The following EDARADD variants were observed in gnomAD, a reference collection of about 807,000 sequenced individuals.
EDARADD encodes the protein EDAR associated via death domain.
Under a neutral mutation model 25.6 loss-of-function variants are expected in EDARADD, and 20 were observed. That is an observed-to-expected ratio of 0.78 (90% CI 0.55 to 1.14). The LOEUF is 1.14. EDARADD is among the 50% of genes most tolerant of loss of function. The pLI is 0.00. For missense variants in EDARADD, 225 were observed against 270.1 expected (o/e 0.83, Z 1.17); for synonymous variants, 86 against 94.4 (o/e 0.91, Z 0.52).
At chr1:236,364,710 G>GA (rs34389912) in intron 3 of EDARADD, among the ~76,000 whole-genome samples, 76,849 of 151,974 alleles carry the variant, frequency 0.51, 20,183 homozygotes, top group East Asian at 0.83. Flanking sequence ...CTGGTAAACA[G>GA]AATATAATTC....
intron 3 of EDARADD, among the ~76,000 whole-genome samples, chr1:236,377,555 G>T (rs1332045710): frequency 6.7e-6 from 1 of 150,132 alleles, no homozygotes; most frequent in Non-Finnish European, 1.5e-5. Context: ...TGCTTGCCCG[G>T]TCTCTTCAAA....
intron 4 of EDARADD, among the ~76,000 whole-genome samples, chr1:236,461,231 AAGC>A (rs1291627658): frequency 6.6e-6 from 1 of 152,230 alleles, no homozygotes; most frequent in African/African-American, 2.4e-5. Flanking sequence ...TATTTTCTGC[AAGC>A]AGAGAGATCA....
chr1:236,373,550 T>C (rs1667194641), intron 3 of EDARADD, among the ~76,000 whole-genome samples: 1 of 152,220 alleles, frequency 6.6e-6, no homozygotes, highest in Non-Finnish European at 1.5e-5. Context: ...TTCTTTCTTT[T>C]TCTAGGTTAG....
chr1:236,396,259 C>T (rs1370991033), intron 1 of EDARADD, among the ~76,000 whole-genome samples: 5 of 152,042 alleles, frequency 3.3e-5, no homozygotes, highest in Admixed American at 2.0e-4. Context: ...GTGTTGGTAC[C>T]CGAGGTCGGA....
intron 4 of EDARADD, among the ~76,000 whole-genome samples, chr1:236,444,300 T>C (rs1252874573): frequency 1.3e-5 from 2 of 151,284 alleles, no homozygotes; most frequent in Non-Finnish European, 1.5e-5. Flanking sequence ...TTAACTAATA[T>C]AGTTTACAAA....
At chr1:236,400,411 G>T (rs1405420227) in intron 1 of EDARADD, among the ~76,000 whole-genome samples, 1 of 152,088 alleles carries the variant, frequency 6.6e-6, no homozygotes, top group Non-Finnish European at 1.5e-5. Flanking sequence ...CCCTGCTGCG[G>T]GGTCTGAGGT....
intron 3 of EDARADD, among the ~76,000 whole-genome samples, chr1:236,426,772 A>G (rs1571927558): frequency 6.6e-6 from 1 of 152,302 alleles, no homozygotes; most frequent in East Asian, 1.9e-4. Context: ...GCACATGCCT[A>G]TCTTCCCAGA....
intron 3 of EDARADD, among the ~76,000 whole-genome samples, chr1:236,360,329 A>C (rs1039043871): frequency 1.3e-5 from 2 of 149,902 alleles, no homozygotes; most frequent in Admixed American, 6.6e-5. Flanking sequence ...TAAAAAAAAA[A>C]AGAAGAAGAA....
chr1:236,350,284 T>C (rs528959378), intron 2 of EDARADD, among the ~76,000 whole-genome samples: 1 of 152,250 alleles, frequency 6.6e-6, no homozygotes, highest in South Asian at 2.1e-4. Flanking sequence ...GATTGGAAAG[T>C]AAGTCATGAT....
chr1:236,484,573 G>A lies in EDARADD; in HGVS notation c.*1924G>A, dbSNP rs1380067800. The A allele has an allele frequency of 3.2e-5, 28 of 870,258 alleles. No individual in the cohort carries two copies. Among genetic ancestry groups the A allele is most frequent in the Non-Finnish European group, 3.8e-5 (21 of 551,130 alleles). The allele number at this position is 870,258 out of a possible 1,614,324, so 53.9% of individuals were successfully genotyped here. ...CCCCCGAGCAACATTTGTAGGGGCC[G>A]CTGCTAGTTAGCTACCCTTGCCCAC... On this transcript the variant is annotated 3_prime_UTR_variant, in exon 6 of 6. Transcript: ENST00000334232. The surrounding 1 kb of genome is among the most constrained non-coding windows in gnomAD (Gnocchi z 4.1).
At position 236,483,702 on chromosome 1, in the gene EDARADD, G is replaced by C; in HGVS notation, c.*1053G>C. ...CCCAGTCGGTGCAGCAAACTTCAGG[G>C]AAGCCATGCCCATTGGAGCGGAGGT... On this transcript the variant is annotated 3_prime_UTR_variant, in exon 6 of 6. Coordinates refer to ENST00000334232, the MANE Select transcript of EDARADD (RefSeq NM_145861.4). 2 of 1,566,740 alleles carry C rather than the reference G, an allele frequency of 1.3e-6. No individual in the cohort carries two copies. The highest frequency in any genetic ancestry group is 4.5e-5 in the East Asian group (2 of 44,518).
chr1:236,401,680 G>A (rs1483155391), intron 1 of EDARADD, among the ~76,000 whole-genome samples: 1 of 152,130 alleles, frequency 6.6e-6, no homozygotes, highest in Non-Finnish European at 1.5e-5. Context: ...TCGGGAGGAG[G>A]CAAATAGATT....
intron 2 of EDARADD, among the ~76,000 whole-genome samples, chr1:236,349,349 A>G (rs1354585230): frequency 6.6e-6 from 1 of 152,184 alleles, no homozygotes; most frequent in Non-Finnish European, 1.5e-5. Flanking sequence ...ACTCTGTAAA[A>G]TATTTTAAGA....
chr1:236,480,444 CAA>C (rs1193496809), intron 5 of EDARADD, among the ~76,000 whole-genome samples: 1 of 151,990 alleles, frequency 6.6e-6, no homozygotes, highest in Non-Finnish European at 1.5e-5. Context: ...ATTAGTAGGT[CAA>C]AGAGTATGAG....
chr1:236,355,948 T>C (rs1421148010), intron 3 of EDARADD, among the ~76,000 whole-genome samples: 1 of 152,106 alleles, frequency 6.6e-6, no homozygotes, highest in Non-Finnish European at 1.5e-5. Context: ...TCCCAGGACC[T>C]CCTGAGGGCT....
Position 236,395,404 on chromosome 1 carries a change from A to C in EDARADD, c.61+899A>C. 7.1e-7 allele frequency: 1 copy of C among 1,417,252 alleles called. No individual in the cohort carries two copies. Among genetic ancestry groups the C allele is most frequent in the East Asian group, 2.8e-5 (1 of 36,332 alleles). The allele number at this position is 1,417,252 out of a possible 1,614,324, so 87.8% of individuals were successfully genotyped here. On this transcript the variant is annotated intron_variant, in intron 1 of 5. Coordinates refer to ENST00000334232, the MANE Select transcript of EDARADD (RefSeq NM_145861.4). The surrounding 1 kb of genome is among the most constrained non-coding windows in gnomAD (Gnocchi z 6.9). ...GGAGGTACCGAGGGACGCGCAGCGA[A>C]GGGGCTTTGCTAATTGCCAAAGCAG... is the stretch of plus-strand genomic sequence containing the variant.
chr1:236,417,557 C>T (rs1657671651), intron 3 of EDARADD, among the ~76,000 whole-genome samples: 1 of 152,150 alleles, frequency 6.6e-6, no homozygotes. Flanking sequence ...CAAGCAGCCA[C>T]CCCCTGATTT....
intron 5 of EDARADD, among the ~76,000 whole-genome samples, chr1:236,469,339 T>A (rs1659299727): frequency 6.6e-6 from 1 of 152,048 alleles, no homozygotes; most frequent in Non-Finnish European, 1.5e-5. Context: ...CCAGGCGTGG[T>A]GATGGGCACC....
intron 3 of EDARADD, among the ~76,000 whole-genome samples, chr1:236,363,030 T>TATATATATATATATATATATAAAA (rs796610771): frequency 4.9e-5 from 5 of 101,954 alleles, no homozygotes; most frequent in African/African-American, 1.5e-4. Flanking sequence ...TATATATATA[T>TATATATATATATATATATATAAAA]ATAAAATTTG....
Sources: gnomAD v4.1 joint callset for allele counts (sites outside exome capture counted in the v4.1 genomes callset) on GRCh38, gnomAD v4.1.1 for gene constraint, Gnocchi (gnomAD v3.1) non-coding constraint, MANE v1.5 for transcripts, NCBI Gene and HGNC (gene_info 2026-07-23, HGNC 2026-07-21) for gene names.